Variants in GABRB3 observed in about 807,000 individuals in gnomAD.
GABRB3 encodes gamma-aminobutyric acid type A receptor subunit beta3, also known as gamma-aminobutyric acid receptor subunit beta-3.
Under a neutral mutation model 52.1 loss-of-function variants are expected in GABRB3, and 14 were observed. The observed-to-expected ratio is 0.27, with a 90% CI of 0.18 to 0.42. The LOEUF is 0.42. Ranked by LOEUF, GABRB3 falls within the 10% of genes least tolerant of loss-of-function variation. The pLI, the probability that GABRB3 is intolerant of heterozygous loss-of-function variation, is 1.00. For synonymous variants in GABRB3, 260 were observed against 232.3 expected, an observed-to-expected ratio of 1.12 and a Z score of -1.08; for missense variants, 307 against 609.1, an observed-to-expected ratio of 0.50 and a Z score of 5.22.
At chr15:26,567,008 T>A (rs960646907) in intron 7 of GABRB3, among the ~76,000 whole-genome samples, 2 of 152,202 alleles carry the variant, frequency 1.3e-5, no homozygotes, top group Non-Finnish European at 2.9e-5. Context: ...TCTGAAAATA[T>A]AAGCCTTCCC....
intron 3 of GABRB3, among the ~76,000 whole-genome samples, chr15:26,714,504 C>T (rs1595546624): frequency 2.6e-5 from 4 of 152,186 alleles, no homozygotes; most frequent in South Asian, 4.2e-4. Context: ...TCTGGAAAGG[C>T]CGAACAACTC....
At chr15:26,717,204 G>T (rs981429019) in intron 3 of GABRB3, among the ~76,000 whole-genome samples, 6 of 148,620 alleles carry the variant, frequency 4.0e-5, no homozygotes, top group Non-Finnish European at 4.5e-5. Context: ...GCCCAGCTCT[G>T]GGGACCTCCA....
At chr15:26,614,552 T>C (rs190013061) in intron 4 of GABRB3, 4 of 152,312 alleles carry the variant, frequency 2.6e-5, no homozygotes, top group East Asian at 3.9e-4. Context: ...TTTATCAATA[T>C]GCTTTTTAGT....
intron 3 of GABRB3, among the ~76,000 whole-genome samples, chr15:26,712,836 GC>G (rs2140132205): frequency 6.6e-6 from 1 of 152,302 alleles, no homozygotes; most frequent in East Asian, 1.9e-4. Flanking sequence ...AGATATCGTG[GC>G]CGGAGCAGAG....
intron 3 of GABRB3, among the ~76,000 whole-genome samples, chr15:26,726,219 G>A (rs1889767503): frequency 6.6e-6 from 1 of 152,150 alleles, no homozygotes; most frequent in Non-Finnish European, 1.5e-5. Context: ...TATCATGTCA[G>A]CACTAAAAAT....
chr15:26,656,449 T>A (rs890604025), intron 3 of GABRB3, among the ~76,000 whole-genome samples: 18 of 152,206 alleles, frequency 1.2e-4, no homozygotes, highest in Non-Finnish European at 2.6e-4. Context: ...ACCTTACACA[T>A]GGCTAACATT....
intron 3 of GABRB3, among the ~76,000 whole-genome samples, chr15:26,758,088 GA>G (rs139302744): frequency 0.015 from 2,184 of 141,798 alleles, 42 homozygotes; most frequent in African/African-American, 0.045. Flanking sequence ...TAGCCATACA[GA>G]AAAAAAAAAA....
At chr15:26,656,221 G>A (rs1408524851) in intron 3 of GABRB3, among the ~76,000 whole-genome samples, 2 of 152,104 alleles carry the variant, frequency 1.3e-5, no homozygotes, top group African/African-American at 2.4e-5. Flanking sequence ...CTCCACACTT[G>A]TAAAAAAGGG....
intron 3 of GABRB3, among the ~76,000 whole-genome samples, chr15:26,654,839 T>C (rs544740952): frequency 1.3e-5 from 2 of 152,218 alleles, no homozygotes; most frequent in East Asian, 3.9e-4. Flanking sequence ...GTTTTAGTTT[T>C]GCCTTTTTTG....
intron 4 of GABRB3, among the ~76,000 whole-genome samples, chr15:26,600,985 T>G (rs543799968): frequency 4.3e-4 from 66 of 152,124 alleles, no homozygotes; most frequent in African/African-American, 1.5e-3. Context: ...AAAATGTGTG[T>G]GGGGGGGAGT....
In GABRB3 at chr15:26,729,902, C is replaced by G. The variant is rs375666759; in HGVS notation, c.240+42500G>C. On this transcript the variant is annotated intron_variant, in intron 3 of 8. Coordinates refer to ENST00000311550, the MANE Select transcript of GABRB3 (RefSeq NM_000814.6). ...CTGTCTCTCTCTACAGAACATCTGC[C>G]CCAGCATGGCAGAGGCTTCATTCTA... Among the ~76,000 whole-genome samples, 22 of 152,264 alleles carry G rather than the reference C, an allele frequency of 1.4e-4. No individual in the cohort carries two copies. The South Asian group carries it at 4.6e-3, about 32-fold the overall frequency.
At chr15:26,765,680 G>A (rs912064163) in intron 3 of GABRB3, among the ~76,000 whole-genome samples, 15 of 152,044 alleles carry the variant, frequency 9.9e-5, no homozygotes, top group African/African-American at 2.9e-4. Flanking sequence ...CCTGCCTCAC[G>A]GAGTGTATGC....
intron 3 of GABRB3, among the ~76,000 whole-genome samples, chr15:26,707,300 G>A (rs1050198849): frequency 5.3e-5 from 8 of 152,154 alleles, no homozygotes; most frequent in African/African-American, 1.7e-4. Context: ...AAGGAATATC[G>A]TGTCAGCACA....
chr15:26,750,779 C>T (rs1890483514), intron 3 of GABRB3, among the ~76,000 whole-genome samples: 1 of 152,068 alleles, frequency 6.6e-6, no homozygotes, highest in Admixed American at 6.6e-5. Flanking sequence ...GTAAAAAAAC[C>T]TGTGATGCAG....
intron 3 of GABRB3, among the ~76,000 whole-genome samples, chr15:26,733,659 T>G (rs1275075475): frequency 6.6e-6 from 1 of 152,196 alleles, no homozygotes; most frequent in Non-Finnish European, 1.5e-5. Context: ...ATGGAATCCC[T>G]AATAGCCAAA....
chr15:26,668,491 A>G (rs1322916742), intron 3 of GABRB3, among the ~76,000 whole-genome samples: 1 of 152,142 alleles, frequency 6.6e-6, no homozygotes, highest in Non-Finnish European at 1.5e-5. Context: ...GAGAACCCTC[A>G]GCCTCATACA....
At chr15:26,651,040 C>T (rs1887181610) in intron 3 of GABRB3, among the ~76,000 whole-genome samples, 1 of 152,216 alleles carries the variant, frequency 6.6e-6, no homozygotes. Context: ...GGCTAGGGAC[C>T]CACTGAGTAT....
intron 3 of GABRB3, among the ~76,000 whole-genome samples, chr15:26,720,483 A>C (rs992616958): frequency 2.0e-5 from 3 of 152,186 alleles, no homozygotes; most frequent in African/African-American, 7.2e-5. Flanking sequence ...ACTTAGGAAG[A>C]CGAGACTGGG....
intron 3 of GABRB3, among the ~76,000 whole-genome samples, chr15:26,726,384 G>T (rs1889771416): frequency 6.6e-6 from 1 of 152,108 alleles, no homozygotes; most frequent in South Asian, 2.1e-4. Context: ...ATCAACAATG[G>T]TCTCATATTA....
Sources: allele counts gnomAD v4.1 joint callset (sites outside exome capture counted in the v4.1 genomes callset), GRCh38; gene constraint gnomAD v4.1.1; transcripts MANE v1.5; gene names NCBI Gene and HGNC (gene_info 2026-07-23, HGNC 2026-07-21).